NREP: variants seen among roughly 807,000 people sequenced by gnomAD.
NREP encodes the protein neuronal regeneration-related protein.
NREP carries 5 observed loss-of-function variants against 8.6 expected under a neutral mutation model. The ratio of observed to expected loss-of-function variants is 0.58; its 90% CI spans 0.30 to 1.22. The LOEUF is 1.22. Ranked by LOEUF, NREP falls within the 50% of genes most tolerant of loss-of-function variation. The pLI is 0.07. For synonymous variants in NREP, 27 were observed against 28.0 expected (o/e 0.96, Z 0.11); for missense variants, 86 against 82.5 (o/e 1.04, Z -0.17).
At chr5:111,816,499 T>C (rs1752388318) in intron 2 of NREP, among the ~76,000 whole-genome samples, 1 of 152,134 alleles carries the variant, frequency 6.6e-6, no homozygotes, top group African/African-American at 2.4e-5. Context: ...AATCCTTTTA[T>C]TGTCTGAGAA....
intron 2 of NREP, among the ~76,000 whole-genome samples, chr5:111,775,477 T>A (rs1751335894): frequency 6.6e-6 from 1 of 152,170 alleles, no homozygotes; most frequent in Non-Finnish European, 1.5e-5. Context: ...TTTGCTTCCT[T>A]GAGAAAGTTT....
In NREP at chr5:111,913,419, G is replaced by C. The variant is rs958720333; in HGVS notation, c.135+61855C>G. On this transcript the variant is annotated intron_variant, in intron 2 of 3. Transcript: ENST00000395634. Reference sequence around the variant, plus strand: ...AAGATAATCTAGCTGTTTCCTAGCAGAAGAAAAAGAATGACCTTGAATAAA... The same window carrying C: ...AAGATAATCTAGCTGTTTCCTAGCACAAGAAAAAGAATGACCTTGAATAAA... 3.5e-4 allele frequency among the ~76,000 whole-genome samples: 53 copies of C among 152,044 alleles called. 1 individual carries two copies. Among genetic ancestry groups the C allele is most frequent in the Non-Finnish European group, 1.6e-4 (11 of 67,984 alleles).
intron 2 of NREP, among the ~76,000 whole-genome samples, chr5:111,968,211 T>A (rs1320752884): frequency 1.3e-5 from 2 of 151,920 alleles, no homozygotes; most frequent in South Asian, 2.1e-4. Flanking sequence ...CATGCCTTTT[T>A]AAAAATCTTA....
intron 2 of NREP, among the ~76,000 whole-genome samples, chr5:111,959,286 A>T (rs1258237085): frequency 6.6e-6 from 1 of 151,998 alleles, no homozygotes; most frequent in Non-Finnish European, 1.5e-5. Context: ...TGGTGATTGA[A>T]ATCAGAATAG....
chr5:111,947,672 A>G (rs897028348), intron 2 of NREP, among the ~76,000 whole-genome samples: 1 of 152,080 alleles, frequency 6.6e-6, no homozygotes, highest in Non-Finnish European at 1.5e-5. Flanking sequence ...TCGAATACCT[A>G]TAAATATTAG....
intron 2 of NREP, among the ~76,000 whole-genome samples, chr5:111,965,206 C>T (rs968505018): frequency 6.6e-6 from 1 of 152,050 alleles, no homozygotes; most frequent in African/African-American, 2.4e-5. Context: ...ATAAGAAAAC[C>T]TTTCCCTGAA....
In NREP at chr5:111,735,353, G is replaced by A. The variant is rs1267640983; in HGVS notation, c.81+77C>T. The A allele has an allele frequency of 2.6e-5, 26 of 1,015,100 alleles. No homozygotes were observed. In the East Asian group the frequency reaches 6.3e-4, roughly 24 times the overall value. 62.9% of individuals were successfully genotyped at this position (1,015,100 alleles called of 1,614,324 possible). On this transcript the variant is annotated intron_variant, in intron 3 of 3. Transcript: ENST00000257435. ...AGCAGCCTATAATGGGTATTCAAAT[G>A]AAAAAGCTCTGATATTTTAAAACAA...
chr5:111,971,271 A>C (rs1189383289), intron 2 of NREP, among the ~76,000 whole-genome samples: 1 of 152,244 alleles, frequency 6.6e-6, no homozygotes, highest in African/African-American at 2.4e-5. Flanking sequence ...CATATACCTG[A>C]AAGTGACCTA....
chr5:111,841,968 C>T (rs1173346329), intron 2 of NREP, among the ~76,000 whole-genome samples: 13 of 152,080 alleles, frequency 8.5e-5, no homozygotes, highest in Non-Finnish European at 1.9e-4. Context: ...ATCTATGGGC[C>T]TACTGGATGG....
intron 2 of NREP, among the ~76,000 whole-genome samples, chr5:111,945,186 T>A (rs1409473524): frequency 2.0e-5 from 3 of 152,130 alleles, no homozygotes; most frequent in Non-Finnish European, 4.4e-5. Flanking sequence ...TTCCAAAATT[T>A]AAAAAATTAG....
At chr5:111,948,624 G>C (rs1397681228) in intron 2 of NREP, among the ~76,000 whole-genome samples, 2 of 152,024 alleles carry the variant, frequency 1.3e-5, no homozygotes, top group Admixed American at 1.3e-4. Context: ...GGTTGTCCAA[G>C]ACATGCCTTT....
At chr5:111,964,106 C>T (rs139368434) in intron 2 of NREP, among the ~76,000 whole-genome samples, 1 of 152,156 alleles carries the variant, frequency 6.6e-6, no homozygotes. Context: ...TAGGGTAAAT[C>T]GTTCTCTTAT....
intron 2 of NREP, among the ~76,000 whole-genome samples, chr5:111,810,308 T>A (rs926538955): frequency 3.9e-5 from 6 of 152,136 alleles, no homozygotes; most frequent in African/African-American, 1.4e-4. Context: ...AATTAATGAC[T>A]CTCTGCTGCT....
intron 2 of NREP, among the ~76,000 whole-genome samples, chr5:111,874,589 T>C (rs1323351814): frequency 6.6e-6 from 1 of 152,166 alleles, no homozygotes; most frequent in Non-Finnish European, 1.5e-5. Context: ...CTAAGGTGAC[T>C]AAATCTTTGA....
intron 3 of NREP, chr5:111,732,950 G>T (rs1481752777): frequency 1.3e-5 from 2 of 152,128 alleles, no homozygotes; most frequent in South Asian, 4.1e-4. Context: ...TATACAGAAC[G>T]TTAGTGTATC....
At chr5:111,845,328 C>G (rs912941718) in intron 2 of NREP, among the ~76,000 whole-genome samples, 1 of 151,428 alleles carries the variant, frequency 6.6e-6, no homozygotes, top group Non-Finnish European at 1.5e-5. Flanking sequence ...AATCTCTCAC[C>G]TGGATTCCAG....
intron 2 of NREP, among the ~76,000 whole-genome samples, chr5:111,802,845 G>C (rs1326740727): frequency 6.6e-6 from 1 of 152,130 alleles, no homozygotes; most frequent in African/African-American, 2.4e-5. Context: ...GGGTTGCAAG[G>C]GACTATGAGC....
At chr5:111,856,547 A>C (rs1393511342) in intron 2 of NREP, among the ~76,000 whole-genome samples, 1 of 152,142 alleles carries the variant, frequency 6.6e-6, no homozygotes, top group African/African-American at 2.4e-5. Flanking sequence ...GAGTGTCACC[A>C]AATCTCCATC....
At chr5:111,819,458 C>T (rs1279326119) in intron 2 of NREP, among the ~76,000 whole-genome samples, 1 of 152,154 alleles carries the variant, frequency 6.6e-6, no homozygotes, top group Admixed American at 6.5e-5. Flanking sequence ...GCAAGTCGTA[C>T]CCTTCTATAG....
Sources: allele counts gnomAD v4.1 joint callset (sites outside exome capture counted in the v4.1 genomes callset), GRCh38; gene constraint gnomAD v4.1.1; transcripts MANE v1.5; gene names NCBI Gene and HGNC (gene_info 2026-07-23, HGNC 2026-07-21).